WWOX: variants seen among roughly 807,000 people sequenced by gnomAD.
WWOX encodes WW domain containing oxidoreductase, also known as WW domain-containing oxidoreductase.
WWOX carries 69 observed loss-of-function variants against 46.2 expected under a neutral mutation model. The ratio of observed to expected loss-of-function variants is 1.49; its 90% CI spans 1.23 to 1.82. WWOX has a LOEUF of 1.82. Among genes scored for constraint, WWOX ranks in the 40% most tolerant of loss-of-function variants. WWOX has a pLI of 0.00. For synonymous variants in WWOX, 359 were observed against 202.6 expected, an observed-to-expected ratio of 1.77 and a Z score of -6.56; for missense variants, 919 against 542.6, an observed-to-expected ratio of 1.69 and a Z score of -6.89.
chr16:79,065,003 T>C (rs1158488334), intron 8 of WWOX, among the ~76,000 whole-genome samples: 3 of 152,094 alleles, frequency 2.0e-5, no homozygotes, highest in Non-Finnish European at 4.4e-5. Flanking sequence ...GAAGGGTGAA[T>C]GGGTTGCTGG....
At chr16:78,558,757 G>T (rs1169783419) in intron 8 of WWOX, among the ~76,000 whole-genome samples, 1 of 152,196 alleles carries the variant, frequency 6.6e-6, no homozygotes, top group Non-Finnish European at 1.5e-5. Flanking sequence ...GGAAAGGCCT[G>T]GCCTTTGTGT....
chr16:79,027,007 C>T (rs1459081201), intron 8 of WWOX, among the ~76,000 whole-genome samples: 2 of 151,428 alleles, frequency 1.3e-5, no homozygotes, highest in Admixed American at 6.6e-5. Context: ...AGTCCAGGTA[C>T]AGTGGCTCAT....
At chr16:78,569,564 C>T (rs964030781) in intron 8 of WWOX, among the ~76,000 whole-genome samples, 5 of 152,122 alleles carry the variant, frequency 3.3e-5, no homozygotes, top group African/African-American at 1.2e-4. Flanking sequence ...ATGAAATTTA[C>T]ACCTTTTCAA....
intron 8 of WWOX, among the ~76,000 whole-genome samples, chr16:79,098,499 C>A (rs183997918): frequency 6.6e-6 from 1 of 152,368 alleles, no homozygotes; most frequent in East Asian, 1.9e-4. Context: ...ATCTTCTTCA[C>A]CCCTTCCCTG....
rs539611789 is a variant in WWOX, at chr16:78,612,973, C to T, written c.1056+180221C>T. Among the ~76,000 whole-genome samples the T allele has an allele frequency of 1.1e-4, 17 of 152,322 alleles. No individual in the cohort carries two copies. The East Asian group carries it at 1.4e-3, about 12-fold the overall frequency. ...GGGTCACTACCAACCTTGCCTTTCA[C>T]CCTACCTGTGGATCTATGACCCTGT... On this transcript the variant is annotated intron_variant, in intron 8 of 8. Transcript: ENST00000566780.
chr16:78,385,969 G>T (rs750217565), intron 5 of WWOX, among the ~76,000 whole-genome samples: 4 of 152,214 alleles, frequency 2.6e-5, no homozygotes, highest in Non-Finnish European at 5.9e-5. Flanking sequence ...GCAACCCGGA[G>T]ATTTGTCCTT....
intron 8 of WWOX, among the ~76,000 whole-genome samples, chr16:78,564,401 C>G (rs1015317777): frequency 5.3e-5 from 8 of 152,120 alleles, no homozygotes; most frequent in African/African-American, 1.9e-4. Flanking sequence ...TGTTTTCTGT[C>G]TCAGGAAGCA....
intron 8 of WWOX, among the ~76,000 whole-genome samples, chr16:78,446,897 G>A (rs1480366274): frequency 6.6e-6 from 1 of 152,032 alleles, no homozygotes; most frequent in African/African-American, 2.4e-5. Flanking sequence ...CTGACCTCAA[G>A]GGATCCACCT....
intron 8 of WWOX, among the ~76,000 whole-genome samples, chr16:78,495,245 A>T (rs1258051175): frequency 6.8e-6 from 1 of 147,520 alleles, no homozygotes; most frequent in East Asian, 2.0e-4. Context: ...GATTCAAGCG[A>T]TTCTCCTGCC....
At chr16:79,052,360 G>C (rs1394348138) in intron 8 of WWOX, among the ~76,000 whole-genome samples, 1 of 152,172 alleles carries the variant, frequency 6.6e-6, no homozygotes, top group African/African-American at 2.4e-5. Flanking sequence ...CCCTACAAAG[G>C]ACATGAACTC....
chr16:78,476,564 CCTG>C (rs1374785107), intron 8 of WWOX, among the ~76,000 whole-genome samples: 1 of 151,758 alleles, frequency 6.6e-6, no homozygotes, highest in Non-Finnish European at 1.5e-5. Context: ...ATGTAACAAA[CCTG>C]CACGTTGTGC....
chr16:78,776,649 G>A (rs147750484), intron 8 of WWOX, among the ~76,000 whole-genome samples: 2 of 152,224 alleles, frequency 1.3e-5, no homozygotes, highest in East Asian at 1.9e-4. Context: ...AAAACTGCCC[G>A]AGATTGGGAA....
intron 8 of WWOX, among the ~76,000 whole-genome samples, chr16:78,515,635 A>G (rs1207432582): frequency 6.6e-6 from 1 of 152,166 alleles, no homozygotes; most frequent in Non-Finnish European, 1.5e-5. Context: ...TGAGATGGAA[A>G]GCTTCCGTCA....
chr16:78,377,719 A>G (rs2081863672), intron 5 of WWOX, among the ~76,000 whole-genome samples: 1 of 152,176 alleles, frequency 6.6e-6, no homozygotes, highest in African/African-American at 2.4e-5. Flanking sequence ...CTGGCAGGAT[A>G]AGCATTTTTT....
At chr16:78,896,204 G>A (rs1304738141) in intron 8 of WWOX, 1 of 151,340 alleles carries the variant, frequency 6.6e-6, no homozygotes, top group Admixed American at 6.6e-5. Flanking sequence ...AATTATATCC[G>A]GAATGCACTT....
chr16:79,161,800 T>G (rs1043774827), intron 8 of WWOX, among the ~76,000 whole-genome samples: 3 of 152,260 alleles, frequency 2.0e-5, no homozygotes, highest in Admixed American at 2.0e-4. Flanking sequence ...ATTACAGACA[T>G]GAGCCACCTC....
chr16:79,053,343 C>G (rs372740201), intron 8 of WWOX, among the ~76,000 whole-genome samples: 1 of 152,228 alleles, frequency 6.6e-6, no homozygotes, highest in South Asian at 2.1e-4. Context: ...TTCCTGCATC[C>G]CAGCAACGTG....
chr16:79,115,585 G>T (rs1396429084), intron 8 of WWOX, among the ~76,000 whole-genome samples: 1 of 152,186 alleles, frequency 6.6e-6, no homozygotes. Context: ...TTCAGAAAAA[G>T]CCCAGTTCTT....
At chr16:78,738,503 G>T (rs1473881454) in intron 8 of WWOX, among the ~76,000 whole-genome samples, 1 of 152,060 alleles carries the variant, frequency 6.6e-6, no homozygotes, top group East Asian at 2.0e-4. Context: ...ACTCCTTTGG[G>T]AGTATTGGCA....
Sources: gnomAD v4.1 joint callset for allele counts (sites outside exome capture counted in the v4.1 genomes callset) on GRCh38, gnomAD v4.1.1 for gene constraint, MANE v1.5 for transcripts, NCBI Gene and HGNC (gene_info 2026-07-23, HGNC 2026-07-21) for gene names.